Variants in GLT8D2 observed in about 807,000 individuals in gnomAD.
The protein encoded by GLT8D2 is glycosyltransferase 8 domain containing 2.
A neutral mutation model predicts 44.5 loss-of-function variants in GLT8D2; 45 were observed. The ratio of observed to expected loss-of-function variants is 1.01; its 90% confidence interval spans 0.80 to 1.30. The LOEUF (loss-of-function observed/expected upper bound fraction) is 1.30, where lower values mean the gene tolerates loss of function less well. GLT8D2 is among the 50% of genes most tolerant of loss of function. GLT8D2 has a pLI of 0.00. For missense variants in GLT8D2, 400 were observed against 430.4 expected, an observed-to-expected ratio of 0.93 and a Z score of 0.62; for synonymous variants, 156 against 157.2, an observed-to-expected ratio of 0.99 and a Z score of 0.06.
chr12:104,044,381 T>A (rs1053429260), intron 1 of GLT8D2, among the ~76,000 whole-genome samples: 6 of 152,200 alleles, frequency 3.9e-5, no homozygotes, highest in Non-Finnish European at 8.8e-5. Context: ...GGCAGGAAAT[T>A]TTGTTTCATT....
At chr12:104,051,232 C>T (rs934038604), upstream of GLT8D2, among the ~76,000 whole-genome samples, 6 of 151,912 alleles carry the variant, frequency 3.9e-5, no homozygotes, top group African/African-American at 1.5e-4. Context: ...GCGATCCTCC[C>T]GTCTCAGCCT....
chr12:104,045,946 A>AAAAT, intron 1 of GLT8D2, among the ~76,000 whole-genome samples: 6 of 146,326 alleles, frequency 4.1e-5, no homozygotes, highest in South Asian at 2.2e-4. Context: ...AAAAAGAAAG[A>AAAAT]AAGAAAGAAA....
chr12:104,038,289 G>C (rs1280213329), intron 1 of GLT8D2, among the ~76,000 whole-genome samples: 2 of 152,026 alleles, frequency 1.3e-5, no homozygotes, highest in African/African-American at 4.8e-5. Flanking sequence ...TGGAAGTTCT[G>C]GCCAGGGCAA....
At chr12:104,012,055 C>T (rs1033001911) in intron 4 of GLT8D2, among the ~76,000 whole-genome samples, 12 of 151,372 alleles carry the variant, frequency 7.9e-5, no homozygotes, top group Non-Finnish European at 1.6e-4. Flanking sequence ...CCTGTAATCC[C>T]AGCCACTCGG....
chr12:103,998,117 C>G (rs1473681644), intron 6 of GLT8D2, among the ~76,000 whole-genome samples: 1 of 152,092 alleles, frequency 6.6e-6, no homozygotes, highest in Non-Finnish European at 1.5e-5. Flanking sequence ...GGGGGAAGAT[C>G]ATATCACAGA....
chr12:104,000,808 G>A (rs1378198350), intron 5 of GLT8D2, among the ~76,000 whole-genome samples: 3 of 152,162 alleles, frequency 2.0e-5, no homozygotes, highest in African/African-American at 4.8e-5. Context: ...AGAAAATCCA[G>A]AAAGCATACA....
chr12:104,007,226 A>G (rs1354212063), intron 4 of GLT8D2, among the ~76,000 whole-genome samples: 1 of 96,018 alleles, frequency 1.0e-5, no homozygotes, highest in Admixed American at 1.1e-4. Flanking sequence ...TCTGATTTAT[A>G]CTTAAAGCTC....
intron 1 of GLT8D2, among the ~76,000 whole-genome samples, chr12:104,045,958 T>TAAGAAAGAAAGAAAGAAAGAAAGA (rs141480385): frequency 2.3e-5 from 3 of 132,768 alleles, no homozygotes; most frequent in East Asian, 4.4e-4. Context: ...AGAAAGAAAA[T>TAAGAAAGAAAGAAAGAAAGAAAGA]AAGAAAGAAA....
At chr12:104,062,643 CTCTT>C (rs1451890814) in intron 1 of GLT8D2, among the ~76,000 whole-genome samples, 23 of 152,080 alleles carry the variant, frequency 1.5e-4, no homozygotes, top group Admixed American at 1.1e-3. Context: ...TTATTTATCT[CTCTT>C]TAATAAAAAT....
At chr12:104,030,753 C>G in intron 1 of GLT8D2, 1 of 1,612,146 alleles carries the variant, frequency 6.2e-7, no homozygotes. Flanking sequence ...TAATCCCAGT[C>G]GGTGCCGCAT....
At chr12:104,025,030 A>T (rs1214772027) in intron 1 of GLT8D2, among the ~76,000 whole-genome samples, 1 of 140,026 alleles carries the variant, frequency 7.1e-6, no homozygotes, top group Non-Finnish European at 1.5e-5. Flanking sequence ...AGATTGTGCC[A>T]CTGCACTCCA....
chr12:104,015,952 A>C (rs988240371), intron 3 of GLT8D2, among the ~76,000 whole-genome samples: 2 of 152,188 alleles, frequency 1.3e-5, no homozygotes, highest in African/African-American at 4.8e-5. Flanking sequence ...GCAGTGAGCC[A>C]AGATCACACC....
At chr12:104,060,370 A>C (rs945106053) in intron 1 of GLT8D2, among the ~76,000 whole-genome samples, 1 of 152,168 alleles carries the variant, frequency 6.6e-6, no homozygotes, top group African/African-American at 2.4e-5. Context: ...AAGGTACTTT[A>C]CTGTGAAATG....
chr12:104,021,902 A>G (rs1007040998), intron 1 of GLT8D2, among the ~76,000 whole-genome samples: 9 of 12,568 alleles, frequency 7.2e-4, no homozygotes, highest in South Asian at 0.011. Context: ...AAGAAGAAGA[A>G]GAAGAAGAAG....
At position 103,989,361 on chromosome 12, in the gene GLT8D2, A is replaced by T; in HGVS notation, c.*47T>A. The stretch of plus-strand genomic sequence containing the variant: ...CAATGTTATAGTTGGCTACAAAGGG[A>T]CAATTCCACATTTCTATACAGGGAA... On this transcript the variant is annotated 3_prime_UTR_variant, in exon 11 of 11. Coordinates refer to ENST00000360814, the MANE Select transcript of GLT8D2 (RefSeq NM_001384711.1). 6.9e-7 allele frequency: 1 copy of T among 1,456,276 alleles called. No individual in the cohort carries two copies. The highest frequency in any genetic ancestry group is 1.3e-5 in the South Asian group (1 of 77,230). 90.2% of individuals were successfully genotyped at this position (1,456,276 alleles called of 1,614,324 possible).
At chr12:104,022,038 G>A (rs55687559) in intron 1 of GLT8D2, among the ~76,000 whole-genome samples, 1 of 94,804 alleles carries the variant, frequency 1.1e-5, no homozygotes, top group African/African-American at 4.9e-5. Context: ...AGAAGAAGAA[G>A]AAGAAGAAGA....
chr12:104,039,112 A>G (rs1880260654), intron 1 of GLT8D2, among the ~76,000 whole-genome samples: 1 of 152,180 alleles, frequency 6.6e-6, no homozygotes, highest in African/African-American at 2.4e-5. Flanking sequence ...CTGAAACTGG[A>G]TCCCTTCCTT....
Position 104,011,628 on chromosome 12 carries a change from G to A in GLT8D2, c.112+3385C>T, listed in dbSNP as rs1875838718. ...TACCGCCATGTTTTACTTGAACGTAGGACTTCACAGGGCCTCTGGACATCA... is the reference window on the plus strand; with the variant it reads ...TACCGCCATGTTTTACTTGAACGTAAGACTTCACAGGGCCTCTGGACATCA... On this transcript the variant is annotated intron_variant, in intron 4 of 10. Transcript: ENST00000360814. Among the ~76,000 whole-genome samples the A allele has an allele frequency of 3.3e-5, 5 of 152,240 alleles. No individual in the cohort carries two copies. The South Asian group carries it at 1.0e-3, about 32-fold the overall frequency.
intron 5 of GLT8D2, among the ~76,000 whole-genome samples, chr12:104,002,208 C>T (rs1184285268): frequency 6.6e-6 from 1 of 152,194 alleles, no homozygotes; most frequent in Non-Finnish European, 1.5e-5. Flanking sequence ...ATCCTTTTTC[C>T]TTGGCTTCCC....
Sources: gnomAD v4.1 joint callset for allele counts (sites outside exome capture counted in the v4.1 genomes callset) on GRCh38, gnomAD v4.1.1 for gene constraint, MANE v1.5 for transcripts, NCBI Gene and HGNC (gene_info 2026-07-23, HGNC 2026-07-21) for gene names.